GRAMD1C: variants seen among roughly 807,000 people sequenced by gnomAD.
GRAMD1C encodes the protein GRAM domain containing 1C, also known as protein Aster-C.
GRAMD1C carries 89 observed loss-of-function variants against 97.8 expected under a neutral mutation model. That is an observed-to-expected ratio of 0.91 (90% CI 0.77 to 1.09). The LOEUF is 1.09. GRAMD1C is among the 50% of genes least tolerant of loss of function. The pLI, the probability that GRAMD1C is intolerant of heterozygous loss-of-function variation, is 0.00. For synonymous variants in GRAMD1C, 256 were observed against 267.0 expected (o/e 0.96, Z 0.40); for missense variants, 740 against 766.4 (o/e 0.97, Z 0.41).
chr3:113,891,751 G>A (rs1469191877), intron 6 of GRAMD1C, among the ~76,000 whole-genome samples: 1 of 151,798 alleles, frequency 6.6e-6, no homozygotes, highest in African/African-American at 2.4e-5. Context: ...GCTAGGTGTG[G>A]TGGTGCATGC....
At chr3:113,842,599 G>A (rs966999858) in intron 1 of GRAMD1C, among the ~76,000 whole-genome samples, 1 of 152,034 alleles carries the variant, frequency 6.6e-6, no homozygotes. Context: ...TCTTTCTCTA[G>A]AGAGCCTCAA....
At chr3:113,903,609 C>T (rs1204803743) in intron 7 of GRAMD1C, among the ~76,000 whole-genome samples, 1 of 152,162 alleles carries the variant, frequency 6.6e-6, no homozygotes. Flanking sequence ...GATCATTTGA[C>T]AGCTGTTTCT....
chr3:113,876,030 C>T (rs544176088), intron 4 of GRAMD1C, 135 bp from the exon 5 acceptor site: 2 of 596,370 alleles, frequency 3.4e-6, no homozygotes, highest in Admixed American at 3.2e-5. Context: ...TACTTATTAA[C>T]TCCTTCAAGT....
intron 6 of GRAMD1C, chr3:113,897,589 A>T: frequency 1.0e-6 from 1 of 981,488 alleles, no homozygotes; most frequent in Non-Finnish European, 1.2e-6. Flanking sequence ...AAAGCTTCTC[A>T]TAGCAAAACT....
chr3:113,868,570 G>A (rs1000437202), intron 2 of GRAMD1C, among the ~76,000 whole-genome samples: 1 of 152,078 alleles, frequency 6.6e-6, no homozygotes, highest in African/African-American at 2.4e-5. Flanking sequence ...TATTTTTAAT[G>A]TTGGCTTCCT....
chr3:113,846,746 A>G (rs1035822608), intron 2 of GRAMD1C, among the ~76,000 whole-genome samples: 16 of 152,198 alleles, frequency 1.1e-4, no homozygotes, highest in Non-Finnish European at 2.2e-4. Context: ...TTACATTTAA[A>G]TTAAAGTTTG....
intron 2 of GRAMD1C, among the ~76,000 whole-genome samples, chr3:113,858,263 C>T (rs1194537587): frequency 4.0e-5 from 6 of 151,832 alleles, no homozygotes. Context: ...GACAGAGTCT[C>T]ACTCTGTTGC....
rs771491809 is a variant in GRAMD1C at position 113,838,933 on chromosome 3, T to A, written c.24T>A (p.Arg8=). 9.1e-7 allele frequency: 1 copy of A among 1,096,882 alleles called. No homozygotes were observed. The highest frequency in any genetic ancestry group is 5.0e-5 in the South Asian group (1 of 20,062). 67.9% of individuals were successfully genotyped at this position (1,096,882 alleles called of 1,614,324 possible). A position where few individuals can be genotyped will look rare whatever the true frequency, so the allele number is the denominator to read the frequency against. The part of the protein sequence containing the change: MEGAPTV[R]QVMNEGDSSL... ...CGATGGAGGGCGCTCCGACTGTCCG[T>A]CAGGTAAGCCGCGGGCCTCGCTGGG... The change falls in exon 1 of 18, where the codon CGT becomes CGA. Residue 8 remains arginine, a synonymous_variant. Coordinates refer to ENST00000358160, the MANE Select transcript of GRAMD1C (RefSeq NM_017577.5).
At chr3:113,837,724 AAAC>A (rs1232437286), upstream of GRAMD1C, among the ~76,000 whole-genome samples, 42 of 624 alleles carry the variant, frequency 0.067, no homozygotes, top group Admixed American at 0.35. Flanking sequence ...CTGTCTCAAA[AAAC>A]AAACAAACAA....
At chr3:113,832,655 AC>A (rs1267274919) in intron 1 of GRAMD1C, among the ~76,000 whole-genome samples, 1 of 152,050 alleles carries the variant, frequency 6.6e-6, no homozygotes, top group African/African-American at 2.4e-5. Flanking sequence ...TATGAATTTG[AC>A]TACTCTAGGT....
At position 113,888,502 on chromosome 3, in the gene GRAMD1C, A is replaced by G. The variant is rs946765625; in HGVS notation, c.540+5670A>G. On this transcript the variant is annotated intron_variant, in intron 6 of 17. Transcript: ENST00000358160. ...ATCTTAAGTTTTTTCACCAGTACAA[A>G]AAAAGAAAGAAGGCAAGCAAGCAAA... Among the ~76,000 whole-genome samples, 4 of 152,222 alleles carry G rather than the reference A, an allele frequency of 2.6e-5. No homozygotes were observed. The East Asian group carries it at 5.8e-4, about 22-fold the overall frequency.
At chr3:113,903,016 A>G (rs1029888102) in intron 7 of GRAMD1C, among the ~76,000 whole-genome samples, 20 of 147,742 alleles carry the variant, frequency 1.4e-4, no homozygotes, top group African/African-American at 5.0e-4. Flanking sequence ...ACCAGGCTGG[A>G]GTGCAGTGGC....
upstream of GRAMD1C, among the ~76,000 whole-genome samples, chr3:113,835,851 T>G (rs1375895431): frequency 6.6e-6 from 1 of 152,188 alleles, no homozygotes; most frequent in African/African-American, 2.4e-5. Flanking sequence ...TTCTGTGACG[T>G]TTTTTATGTT....
At chr3:113,875,422 A>C in intron 3 of GRAMD1C, 62 bp from the exon 4 acceptor site, 1 of 774,122 alleles carries the variant, frequency 1.3e-6, no homozygotes. Flanking sequence ...GAAATATAGT[A>C]TAAGGTCTAT....
intron 2 of GRAMD1C, among the ~76,000 whole-genome samples, chr3:113,852,981 A>C (rs1361426146): frequency 6.6e-6 from 1 of 152,218 alleles, no homozygotes; most frequent in African/African-American, 2.4e-5. Context: ...AGTACTCTAT[A>C]AGTGAGCAGA....
chr3:113,915,389 CATATT>C (rs1936773375), intron 9 of GRAMD1C, among the ~76,000 whole-genome samples: 1 of 152,132 alleles, frequency 6.6e-6, no homozygotes, highest in African/African-American at 2.4e-5. Context: ...TTTTGAGTGA[CATATT>C]ATGGCCATTT....
intron 10 of GRAMD1C, among the ~76,000 whole-genome samples, chr3:113,917,265 G>C (rs959179824): frequency 6.6e-6 from 1 of 152,188 alleles, no homozygotes; most frequent in African/African-American, 2.4e-5. Flanking sequence ...CAGCAGCAGA[G>C]ATTCATATAA....
intron 17 of GRAMD1C, among the ~76,000 whole-genome samples, chr3:113,941,397 C>G (rs527713989): frequency 1.3e-5 from 2 of 152,156 alleles, no homozygotes; most frequent in East Asian, 3.9e-4. Flanking sequence ...CTCTCCTGAC[C>G]TTCTACAACT....
At position 113,875,657 on chromosome 3, in the gene GRAMD1C, C is replaced by G. The variant is rs564609320; in HGVS notation, c.363+70C>G. On this transcript the variant is annotated intron_variant, in intron 4 of 17. Coordinates refer to ENST00000358160, the MANE Select transcript of GRAMD1C (RefSeq NM_017577.5). The stretch of plus-strand genomic sequence containing the variant: ...GAGATATATACAGTTCTTCCAAAAA[C>G]TCTACTTTAGATGATTCCAAAGTAA... 28 of 752,314 alleles carry G rather than the reference C, an allele frequency of 3.7e-5. No homozygotes were observed. The East Asian group carries it at 6.6e-4, about 18-fold the overall frequency. The allele number at this position is 752,314 out of a possible 1,614,324, so 46.6% of individuals were successfully genotyped here.
Sources: allele counts gnomAD v4.1 joint callset (sites outside exome capture counted in the v4.1 genomes callset), GRCh38; gene constraint gnomAD v4.1.1; transcripts MANE v1.5; gene names NCBI Gene and HGNC (gene_info 2026-07-23, HGNC 2026-07-21).